PTPN3: variants seen among roughly 807,000 people sequenced by gnomAD.
PTPN3 encodes the protein tyrosine-protein phosphatase non-receptor type 3.
In PTPN3, 96 loss-of-function variants were observed where a neutral mutation model predicts 132.7. The observed-to-expected ratio is 0.72, with a 90% CI of 0.61 to 0.86. The LOEUF (loss-of-function observed/expected upper bound fraction) is 0.86, where lower values mean the gene tolerates loss of function less well. Among genes scored for constraint, PTPN3 ranks in the 40% least tolerant of loss-of-function variants. PTPN3 has a pLI of 0.00. For synonymous variants in PTPN3, 398 were observed against 429.0 expected (o/e 0.93, Z 0.89); for missense variants, 1,125 against 1,159.6 (o/e 0.97, Z 0.43).
rs763853955 is a variant in PTPN3, at chr9:109,377,851, T to G, written c.*1705A>C. On this transcript the variant is annotated 3_prime_UTR_variant, in exon 26 of 26. Coordinates refer to ENST00000374541, the MANE Select transcript of PTPN3 (RefSeq NM_002829.4). ...GCTTCTAAGCAACCAGGCCCGCAAGTAGTTAGTGCTGAGTGGGCGTAGGAA... is the reference window on the plus strand; with the variant it reads ...GCTTCTAAGCAACCAGGCCCGCAAGGAGTTAGTGCTGAGTGGGCGTAGGAA... The G allele has an allele frequency of 4.6e-5, 7 of 152,202 alleles. No homozygotes were observed. Among genetic ancestry groups the G allele is most frequent in the Non-Finnish European group, 8.8e-5 (6 of 68,042 alleles). 9.4% of individuals were successfully genotyped at this position (152,202 alleles called of 1,614,324 possible).
At position 109,389,359 on chromosome 9, in the gene PTPN3, G is replaced by A. The variant is rs1839869087; in HGVS notation, c.2127C>T (p.Asn709=). The A allele has an allele frequency of 1.2e-6, 2 of 1,613,458 alleles. No individual in the cohort carries two copies. Among genetic ancestry groups the A allele is most frequent in the Non-Finnish European group, 8.5e-7 (1 of 1,179,798 alleles). ...SYVNMEIPAA[N]LVNKYIATQG... ...GAGTGGCGATGTACTTGTTCACAAG[G>A]TTAGCAGCAGGAATTTCCATCTGGT... Residue 709 remains asparagine, a synonymous_variant, in exon 22 of 26, where the codon AAC becomes AAT. Coordinates refer to ENST00000374541, the MANE Select transcript of PTPN3 (RefSeq NM_002829.4).
At chr9:109,451,453 T>A (rs1845242670) in intron 5 of PTPN3, 2 of 903,004 alleles carry the variant, frequency 2.2e-6, no homozygotes, top group African/African-American at 1.8e-5. Flanking sequence ...AGACACACAC[T>A]GTTTATTACT....
At chr9:109,416,872 G>A (rs539134636) in intron 14 of PTPN3, among the ~76,000 whole-genome samples, 1 of 152,346 alleles carries the variant, frequency 6.6e-6, no homozygotes, top group South Asian at 2.1e-4. Context: ...CTCGGAGGGT[G>A]TCATGCTGGT....
intron 9 of PTPN3, among the ~76,000 whole-genome samples, chr9:109,433,422 C>G (rs1843801591): frequency 6.6e-6 from 1 of 152,214 alleles, no homozygotes; most frequent in Non-Finnish European, 1.5e-5. Context: ...TAAGCCCACT[C>G]ATTCCACGGA....
At chr9:109,457,422 G>T in intron 2 of PTPN3, 23 bp from the exon 3 acceptor site, 3 of 1,572,938 alleles carry the variant, frequency 1.9e-6, no homozygotes, top group Non-Finnish European at 2.6e-6. Flanking sequence ...AAATTATCAA[G>T]TGGGAAAAGT....
chr9:109,507,554 C>G, the PTPN3 span, among the ~76,000 whole-genome samples: 1 of 152,160 alleles, frequency 6.6e-6, no homozygotes, highest in Non-Finnish European at 1.5e-5. Context: ...TGGCGTCCTG[C>G]TAGGATGTCT....
chr9:109,451,338 C>A, intron 5 of PTPN3: 1 of 977,306 alleles, frequency 1.0e-6, no homozygotes, highest in Middle Eastern at 5.2e-4. Flanking sequence ...GCCCAAATCC[C>A]AGAAGGTCAT....
chr9:109,401,084 AG>A (rs1841050804), intron 19 of PTPN3, among the ~76,000 whole-genome samples: 2 of 152,256 alleles, frequency 1.3e-5, no homozygotes. Flanking sequence ...ATTAAAAAGA[AG>A]GGTTTCCTAC....
At chr9:109,534,803 AAAAC>A in the PTPN3 span, among the ~76,000 whole-genome samples, 22,482 of 150,586 alleles carry the variant, frequency 0.15, 1,846 homozygotes, top group Middle Eastern at 0.26. Context: ...ACTCCGTCTC[AAAAC>A]AAACAAACAA....
intron 24 of PTPN3, among the ~76,000 whole-genome samples, chr9:109,382,029 C>T (rs1839141364): frequency 6.6e-6 from 1 of 152,246 alleles, no homozygotes; most frequent in South Asian, 2.1e-4. Flanking sequence ...TTCCCTTTCT[C>T]ACTCACACCT....
chr9:109,457,809 G>A (rs1432479609), intron 2 of PTPN3, among the ~76,000 whole-genome samples: 3 of 152,188 alleles, frequency 2.0e-5, no homozygotes, highest in Non-Finnish European at 4.4e-5. Context: ...TACTCCTGGA[G>A]AAGCCACCGA....
At chr9:109,537,078 C>A in the PTPN3 span, among the ~76,000 whole-genome samples, 1 of 152,148 alleles carries the variant, frequency 6.6e-6, no homozygotes, top group South Asian at 2.1e-4. Context: ...TCCAAGACTC[C>A]AAGGTCCTGG....
At chr9:109,462,976 A>G (rs1845921962) in intron 2 of PTPN3, among the ~76,000 whole-genome samples, 1 of 150,858 alleles carries the variant, frequency 6.6e-6, no homozygotes, top group Non-Finnish European at 1.5e-5. Context: ...ATGCCTCCAG[A>G]TGTTGGTGCT....
At chr9:109,524,252 A>T in the PTPN3 span, among the ~76,000 whole-genome samples, 6 of 152,040 alleles carry the variant, frequency 3.9e-5, no homozygotes, top group Non-Finnish European at 8.8e-5. Context: ...TCAAAAAAAA[A>T]CCAGCAGACA....
intron 2 of PTPN3, among the ~76,000 whole-genome samples, chr9:109,461,322 A>C (rs1845833593): frequency 6.6e-6 from 1 of 152,212 alleles, no homozygotes; most frequent in South Asian, 2.1e-4. Flanking sequence ...CAAAACACCC[A>C]GGCAGGACAA....
intron 1 of PTPN3, among the ~76,000 whole-genome samples, chr9:109,493,664 C>T (rs946379186): frequency 1.3e-5 from 2 of 152,212 alleles, no homozygotes; most frequent in African/African-American, 4.8e-5. Flanking sequence ...TTTTTTCACA[C>T]TACAGATCCC....
At chr9:109,504,347 G>A in the PTPN3 span, among the ~76,000 whole-genome samples, 2 of 152,136 alleles carry the variant, frequency 1.3e-5, no homozygotes, top group Non-Finnish European at 2.9e-5. Context: ...AGCTGGACAG[G>A]GAGCCAAGCC....
At chr9:109,529,011 A>G in the PTPN3 span, among the ~76,000 whole-genome samples, 1 of 152,148 alleles carries the variant, frequency 6.6e-6, no homozygotes, top group African/African-American at 2.4e-5. Context: ...TGTTGTAGAT[A>G]TGGTCCAAGT....
chr9:109,488,203 G>T (rs1229694021), intron 1 of PTPN3, among the ~76,000 whole-genome samples: 1 of 149,662 alleles, frequency 6.7e-6, no homozygotes, highest in Non-Finnish European at 1.5e-5. Context: ...CCAGGTTCAA[G>T]TGATTCTCCT....
Sources: allele counts gnomAD v4.1 joint callset (sites outside exome capture counted in the v4.1 genomes callset), GRCh38; gene constraint gnomAD v4.1.1; transcripts MANE v1.5; gene names NCBI Gene and HGNC (gene_info 2026-07-23, HGNC 2026-07-21).